The following PLCL2 variants were observed in gnomAD, a reference collection of about 807,000 sequenced individuals.
PLCL2 encodes the protein phospholipase C like 2.
Under a neutral mutation model 79.6 loss-of-function variants are expected in PLCL2, and 4 were observed. The ratio of observed to expected loss-of-function variants is 0.05; its 90% confidence interval spans 0.02 to 0.11. PLCL2 has a LOEUF of 0.11. PLCL2 is among the 10% of genes least tolerant of loss of function. The pLI is 1.00. For synonymous variants in PLCL2, 484 were observed against 457.7 expected (o/e 1.06, Z -0.73); for missense variants, 895 against 1,291.0 (o/e 0.69, Z 4.70).
chr3:17,077,852 G>A (rs551299607), intron 5 of PLCL2, among the ~76,000 whole-genome samples: 4 of 152,226 alleles, frequency 2.6e-5, no homozygotes, highest in South Asian at 4.2e-4. Flanking sequence ...CAAGCTGTTC[G>A]GAAACCTGGC....
intron 1 of PLCL2, among the ~76,000 whole-genome samples, chr3:16,972,825 C>A (rs1447426612): frequency 6.6e-6 from 1 of 151,384 alleles, no homozygotes; most frequent in Non-Finnish European, 1.5e-5. Flanking sequence ...TTCTGTTTTC[C>A]ATTTGCTTGG....
intron 1 of PLCL2, among the ~76,000 whole-genome samples, chr3:16,991,362 G>T (rs1161621882): frequency 6.6e-6 from 1 of 152,190 alleles, no homozygotes; most frequent in Non-Finnish European, 1.5e-5. Flanking sequence ...GCAGACAGTA[G>T]TTACCATGTG....
At chr3:17,003,376 G>T (rs1217602228) in intron 1 of PLCL2, among the ~76,000 whole-genome samples, 3 of 152,134 alleles carry the variant, frequency 2.0e-5, no homozygotes, top group Non-Finnish European at 4.4e-5. Context: ...CCACTGGTGG[G>T]CTACTGTTAC....
chr3:16,895,734 G>A (rs573464767), intron 1 of PLCL2, among the ~76,000 whole-genome samples: 20 of 152,196 alleles, frequency 1.3e-4, no homozygotes, highest in South Asian at 2.1e-4. Context: ...ATAAAATAGC[G>A]TATCATACAG....
chr3:17,020,417 C>T (rs2064436585), intron 3 of PLCL2, among the ~76,000 whole-genome samples: 1 of 152,196 alleles, frequency 6.6e-6, no homozygotes, highest in South Asian at 2.1e-4. Flanking sequence ...GCCCATCTCT[C>T]TCTTACAGGC....
intron 1 of PLCL2, among the ~76,000 whole-genome samples, chr3:16,907,223 G>A (rs1696772092): frequency 6.6e-6 from 1 of 152,038 alleles, no homozygotes; most frequent in South Asian, 2.1e-4. Flanking sequence ...ACTTTCCGGT[G>A]TTTTTCATGA....
intron 5 of PLCL2, among the ~76,000 whole-genome samples, chr3:17,078,517 G>C (rs1362505585): frequency 6.6e-6 from 1 of 151,980 alleles, no homozygotes; most frequent in Non-Finnish European, 1.5e-5. Context: ...TACAACCGAA[G>C]ATGTTTTCCA....
chr3:17,063,236 CCCTCCCTG>C (rs2064970462), intron 4 of PLCL2, among the ~76,000 whole-genome samples: 8 of 82,306 alleles, frequency 9.7e-5, no homozygotes, highest in East Asian at 3.1e-4. Flanking sequence ...CTCCCTCCCT[CCCTCCCTG>C]CCTTCCTCCC....
chr3:16,990,353 T>C (rs2064092792), intron 1 of PLCL2, among the ~76,000 whole-genome samples: 1 of 152,208 alleles, frequency 6.6e-6, no homozygotes, highest in South Asian at 2.1e-4. Flanking sequence ...TTAGGTACTC[T>C]ATAAAGGGCT....
chr3:16,889,832 A>T (rs1254007596), intron 1 of PLCL2, among the ~76,000 whole-genome samples: 1 of 152,188 alleles, frequency 6.6e-6, no homozygotes, highest in Non-Finnish European at 1.5e-5. Flanking sequence ...ACCATTTTTT[A>T]ATTGGATCTT....
At chr3:16,912,377 C>T (rs571422182) in intron 1 of PLCL2, among the ~76,000 whole-genome samples, 8 of 152,218 alleles carry the variant, frequency 5.3e-5, no homozygotes, top group Admixed American at 2.0e-4. Context: ...GTTTGGACAT[C>T]TGTGTCCTTA....
chr3:16,937,508 C>A (rs1697568997), intron 1 of PLCL2, among the ~76,000 whole-genome samples: 1 of 152,116 alleles, frequency 6.6e-6, no homozygotes, highest in Admixed American at 6.5e-5. Flanking sequence ...TAGCATAAAT[C>A]AAAGAACAGG....
chr3:17,003,906 G>A (rs2064234665), intron 1 of PLCL2, among the ~76,000 whole-genome samples: 1 of 152,160 alleles, frequency 6.6e-6, no homozygotes, highest in Non-Finnish European at 1.5e-5. Context: ...CACCCATGGA[G>A]AAGATTTACA....
chr3:17,008,863 A>G (rs768749359), intron 1 of PLCL2, among the ~76,000 whole-genome samples: 1 of 152,084 alleles, frequency 6.6e-6, no homozygotes, highest in Non-Finnish European at 1.5e-5. Flanking sequence ...TGTTGTCCAC[A>G]TTGGAGTGCT....
At chr3:16,911,798 T>A (rs544591582) in intron 1 of PLCL2, among the ~76,000 whole-genome samples, 1 of 152,306 alleles carries the variant, frequency 6.6e-6, no homozygotes, top group African/African-American at 2.4e-5. Flanking sequence ...GTAATTCAAA[T>A]ATCCAAAATG....
chr3:17,023,919 G>T (rs1417898664), intron 3 of PLCL2, among the ~76,000 whole-genome samples: 1 of 152,136 alleles, frequency 6.6e-6, no homozygotes, highest in African/African-American at 2.4e-5. Context: ...TCTGTGAAAA[G>T]AAATAACTTA....
chr3:17,064,724 T>C (rs2064990878), intron 4 of PLCL2, among the ~76,000 whole-genome samples: 1 of 152,078 alleles, frequency 6.6e-6, no homozygotes, highest in Non-Finnish European at 1.5e-5. Context: ...CAGAAATGTT[T>C]AAATGACCAG....
At chr3:16,938,969 C>T (rs1411729026) in intron 1 of PLCL2, among the ~76,000 whole-genome samples, 3 of 152,168 alleles carry the variant, frequency 2.0e-5, no homozygotes, top group African/African-American at 7.2e-5. Flanking sequence ...AAAAACTTAA[C>T]AGCTAGCTGT....
At chr3:16,965,653 G>T (rs1246988930) in intron 1 of PLCL2, among the ~76,000 whole-genome samples, 1 of 152,098 alleles carries the variant, frequency 6.6e-6, no homozygotes, top group Non-Finnish European at 1.5e-5. Context: ...CTATCCATGA[G>T]CATGGAATGT....
Sources: allele counts gnomAD v4.1 joint callset (sites outside exome capture counted in the v4.1 genomes callset), GRCh38; gene constraint gnomAD v4.1.1; transcripts MANE v1.5; gene names NCBI Gene and HGNC (gene_info 2026-07-23, HGNC 2026-07-21).